The following TRAF3IP2 variants were observed in gnomAD, a reference collection of about 807,000 sequenced individuals.
TRAF3IP2 encodes TRAF3 interacting protein 2, also known as E3 ubiquitin ligase TRAF3IP2.
In TRAF3IP2, 35 loss-of-function variants were observed where a neutral mutation model predicts 57.9. That is an observed-to-expected ratio of 0.60 (90% CI 0.46 to 0.80). The LOEUF (loss-of-function observed/expected upper bound fraction) is 0.80. Ranked by LOEUF, TRAF3IP2 falls within the 30% of genes least tolerant of loss-of-function variation. The probability of loss-of-function intolerance (pLI) is 0.00; values close to 1 mark genes in which losing one functional copy is unlikely to be tolerated. For missense variants in TRAF3IP2, 556 were observed against 706.4 expected (o/e 0.79, Z 2.41); for synonymous variants, 251 against 268.9 (o/e 0.93, Z 0.65).
At chr6:111,578,082 G>T (rs189761604) in intron 3 of TRAF3IP2, among the ~76,000 whole-genome samples, 1 of 152,004 alleles carries the variant, frequency 6.6e-6, no homozygotes, top group African/African-American at 2.4e-5. Flanking sequence ...ATCAGAACAG[G>T]CTTAAATTGA....
intron 5 of TRAF3IP2, among the ~76,000 whole-genome samples, chr6:111,572,135 C>T (rs1307356061): frequency 6.6e-6 from 1 of 152,154 alleles, no homozygotes; most frequent in East Asian, 1.9e-4. Context: ...AAGAAGTTAT[C>T]TCAGTGTTTG....
intron 5 of TRAF3IP2, among the ~76,000 whole-genome samples, chr6:111,569,380 C>A (rs145873905): frequency 5.4e-4 from 82 of 152,240 alleles, no homozygotes; most frequent in African/African-American, 1.8e-3. Flanking sequence ...TGACTTCCTA[C>A]GGTGGTTGTG....
chr6:111,577,141 TTC>T (rs1176793907), intron 3 of TRAF3IP2: 5 of 115,018 alleles, frequency 4.3e-5, no homozygotes, highest in Non-Finnish European at 2.0e-5. Flanking sequence ...CCATATTTTT[TTC>T]TTTTTCTTTT....
In TRAF3IP2 at chr6:111,580,214, C is replaced by T. The variant is rs117922343; in HGVS notation, c.1005G>A (p.Pro335=). 30 of 1,614,080 alleles carry T rather than the reference C, an allele frequency of 1.9e-5. No individual in the cohort carries two copies. The highest frequency in any genetic ancestry group is 8.8e-5 in the South Asian group (8 of 91,082). The change falls in exon 3 of 9, where the codon CCG becomes CCA. Residue 335 remains proline (P), a synonymous_variant. Coordinates refer to ENST00000368761, the MANE Select transcript of TRAF3IP2 (RefSeq NM_147686.4). ...ERPAQRDCSF[P]GLPRHQDQPH... ...ATACTTACTGGTGCCTTGGAAGCCC[C>T]GGAAAGGAGCAGTCTCTCTGTGCGG...
At chr6:111,569,044 C>T (rs1047481028) in intron 5 of TRAF3IP2, among the ~76,000 whole-genome samples, 1 of 152,168 alleles carries the variant, frequency 6.6e-6, no homozygotes, top group Non-Finnish European at 1.5e-5. Context: ...CTGTGTATAC[C>T]GAACTATCAC....
At chr6:111,597,319 G>A (rs1465861494) in intron 1 of TRAF3IP2, among the ~76,000 whole-genome samples, 1 of 152,202 alleles carries the variant, frequency 6.6e-6, no homozygotes, top group Non-Finnish European at 1.5e-5. Context: ...TGTAATGGGA[G>A]CATCTGCTCT....
intron 3 of TRAF3IP2, chr6:111,576,503 C>T (rs80314840): frequency 6.6e-6 from 1 of 152,280 alleles, no homozygotes; most frequent in Non-Finnish European, 1.5e-5. Flanking sequence ...GAGTTTTCCC[C>T]AGAAGGCCTC....
At chr6:111,594,977 G>T (rs1030947619) in intron 1 of TRAF3IP2, among the ~76,000 whole-genome samples, 1 of 152,210 alleles carries the variant, frequency 6.6e-6, no homozygotes, top group African/African-American at 2.4e-5. Flanking sequence ...AATGCCTATA[G>T]TCCCAACACT....
intron 6 of TRAF3IP2, 131 bp downstream of exon 6, chr6:111,567,493 G>T: frequency 1.5e-6 from 2 of 1,317,552 alleles, no homozygotes; most frequent in East Asian, 2.8e-5. Context: ...CTTCCAACAA[G>T]GGAGGCTTTG....
rs1193050726 is a variant in TRAF3IP2 at position 111,556,720 on chromosome 6, C to T, written c.*2685G>A. 1 of 151,828 alleles carries T rather than the reference C, an allele frequency of 6.6e-6. No individual in the cohort carries two copies. Among genetic ancestry groups the T allele is most frequent in the East Asian group, 1.9e-4 (1 of 5,196 alleles). The allele number at this position is 151,828 out of a possible 1,614,324, so 9.4% of individuals were successfully genotyped here. A position where few individuals can be genotyped will look rare whatever the true frequency, so the allele number is the denominator to read the frequency against. On this transcript the variant is annotated 3_prime_UTR_variant, in exon 9 of 9. Coordinates refer to ENST00000368761, the MANE Select transcript of TRAF3IP2 (RefSeq NM_147686.4). ...TTAAAGAACAAAGACATTCGTCTCA[C>T]CCAGTAGACATCTAAGTTATAAAGT...
At chr6:111,579,453 C>T (rs936954491) in intron 3 of TRAF3IP2, among the ~76,000 whole-genome samples, 1 of 151,952 alleles carries the variant, frequency 6.6e-6, no homozygotes, top group Non-Finnish European at 1.5e-5. Flanking sequence ...AAATAATAGG[C>T]CAGGCACAGT....
chr6:111,605,507 C>T (rs564187475), intron 1 of TRAF3IP2, among the ~76,000 whole-genome samples: 14 of 152,340 alleles, frequency 9.2e-5, no homozygotes, highest in African/African-American at 3.4e-4. Context: ...CCGAGCTGTC[C>T]CCGTGTGCGA....
chr6:111,569,512 G>A (rs2128372859), intron 5 of TRAF3IP2, among the ~76,000 whole-genome samples: 1 of 152,292 alleles, frequency 6.6e-6, no homozygotes, highest in Non-Finnish European at 1.5e-5. Flanking sequence ...AGCACTTTGG[G>A]AGGCTGAGGG....
chr6:111,565,012 C>A (rs1214985288), intron 7 of TRAF3IP2, among the ~76,000 whole-genome samples: 1 of 152,152 alleles, frequency 6.6e-6, no homozygotes, highest in East Asian at 1.9e-4. Context: ...AGGAATGATA[C>A]CTTTCCGGGG....
intron 1 of TRAF3IP2, among the ~76,000 whole-genome samples, chr6:111,599,527 C>T (rs1021649198): frequency 6.6e-6 from 1 of 152,192 alleles, no homozygotes; most frequent in Non-Finnish European, 1.5e-5. Flanking sequence ...GCTTCACCCT[C>T]TCTCTTTTTT....
chr6:111,594,119 G>A (rs765518364), intron 1 of TRAF3IP2, among the ~76,000 whole-genome samples: 1 of 100,024 alleles, frequency 1.0e-5, no homozygotes, highest in Non-Finnish European at 2.0e-5. Context: ...CGACAAGAGC[G>A]AGACTCCATC....
intron 5 of TRAF3IP2, 135 bp from the exon 6 acceptor site, chr6:111,567,827 G>T: frequency 1.8e-6 from 1 of 566,554 alleles, no homozygotes; most frequent in Non-Finnish European, 2.8e-6. Flanking sequence ...GGAGCACATA[G>T]GTCTAAAAAA....
In TRAF3IP2 at chr6:111,586,783, T is replaced by C. The variant is rs367901397; in HGVS notation, c.829+4475A>G. Among the ~76,000 whole-genome samples the C allele has an allele frequency of 1.8e-4, 27 of 152,274 alleles. 1 individual carries two copies. In the East Asian group the frequency reaches 4.2e-3, roughly 24 times the overall value. On this transcript the variant is annotated intron_variant, in intron 2 of 8. Coordinates refer to ENST00000368761, the MANE Select transcript of TRAF3IP2 (RefSeq NM_147686.4). The stretch of plus-strand genomic sequence containing the variant: ...ATTAAGTGCAGTTATAGCCCTGACA[T>C]GAAACTAAGCATTTGTACACCTGCC...
chr6:111,597,262 T>C (rs555652060), intron 1 of TRAF3IP2, among the ~76,000 whole-genome samples: 4 of 152,288 alleles, frequency 2.6e-5, no homozygotes, highest in African/African-American at 4.8e-5. Context: ...ATGGGCAGGA[T>C]TGACCACAAC....
Sources: allele counts gnomAD v4.1 joint callset (sites outside exome capture counted in the v4.1 genomes callset), GRCh38; gene constraint gnomAD v4.1.1; transcripts MANE v1.5; gene names NCBI Gene and HGNC (gene_info 2026-07-23, HGNC 2026-07-21).